DCC: variants seen among roughly 807,000 people sequenced by gnomAD.
The protein encoded by DCC is netrin receptor DCC.
A neutral mutation model predicts 172.5 loss-of-function variants in DCC; 58 were observed. The observed-to-expected ratio is 0.34, with a 90% confidence interval of 0.27 to 0.42. The LOEUF (loss-of-function observed/expected upper bound fraction) is 0.42. Ranked by LOEUF, DCC falls within the 10% of genes least tolerant of loss-of-function variation. The pLI is 1.00. For synonymous variants in DCC, 709 were observed against 644.5 expected (o/e 1.10, Z -1.52); for missense variants, 1,740 against 1,791.0 (o/e 0.97, Z 0.51).
At position 52,443,285 on chromosome 18, in the gene DCC, A is replaced by T. The variant is rs563908329; in HGVS notation, c.91+102407A>T. Among the ~76,000 whole-genome samples, 3 of 152,300 alleles carry T rather than the reference A, an allele frequency of 2.0e-5. No individual in the cohort carries two copies. In the South Asian group the frequency reaches 6.2e-4, roughly 32 times the overall value. ...AACAATTAGTAACAAGTCCTCATTA[A>T]TTTTTTAAATAAATATTGAGGAGCC... On this transcript the variant is annotated intron_variant, in intron 1 of 28. Transcript: ENST00000442544.
intron 2 of DCC, among the ~76,000 whole-genome samples, chr18:52,765,840 G>C (rs1364935591): frequency 6.6e-6 from 1 of 152,120 alleles, no homozygotes; most frequent in Admixed American, 6.5e-5. Flanking sequence ...TGCAAACTTG[G>C]GACAACCATG....
chr18:52,975,604 T>G (rs2041104804), intron 5 of DCC, among the ~76,000 whole-genome samples: 1 of 152,270 alleles, frequency 6.6e-6, no homozygotes, highest in South Asian at 2.1e-4. Context: ...GGTGACAACA[T>G]GTGGTATTTG....
rs546731813 is a variant in DCC at position 53,210,074 on chromosome 18, A to G, written c.1861+2257A>G. Among the ~76,000 whole-genome samples, 38 of 152,336 alleles carry G rather than the reference A, an allele frequency of 2.5e-4. 1 individual carries two copies. In the South Asian group the frequency reaches 5.8e-3, roughly 23 times the overall value. On this transcript the variant is annotated intron_variant, in intron 11 of 28. Coordinates refer to ENST00000442544, the MANE Select transcript of DCC (RefSeq NM_005215.4). ...ATAGCAAGGACTTTATAAGCTTCTT[A>G]GAGTGGACACCGTGACCTCGTTTGC...
intron 1 of DCC, among the ~76,000 whole-genome samples, chr18:52,452,596 C>A (rs955652791): frequency 1.3e-5 from 2 of 152,154 alleles, no homozygotes; most frequent in African/African-American, 4.8e-5. Context: ...AATGGGTGAA[C>A]GTGAGCTGCC....
rs145397515 is a variant in DCC, at chr18:52,667,253, C to T, written c.92-84801C>T. ...TTTGGTGGAATTAGGAGTTGGTTTG[C>T]CCCAACCCCCAAATGGTAGTAGATG... On this transcript the variant is annotated intron_variant, in intron 1 of 28. Coordinates refer to ENST00000442544, the MANE Select transcript of DCC (RefSeq NM_005215.4). 3.7e-3 allele frequency among the ~76,000 whole-genome samples: 557 copies of T among 152,258 alleles called. 1 individual carries two copies. The highest frequency in any genetic ancestry group is 6.8e-3 in the Middle Eastern group (2 of 294).
intron 1 of DCC, among the ~76,000 whole-genome samples, chr18:52,566,295 C>A (rs1489151673): frequency 1.3e-5 from 2 of 151,986 alleles, no homozygotes; most frequent in Non-Finnish European, 2.9e-5. Flanking sequence ...TGTTCTCATT[C>A]GTAAGTGGGA....
chr18:52,831,199 G>C (rs902358560), intron 2 of DCC, among the ~76,000 whole-genome samples: 1 of 152,254 alleles, frequency 6.6e-6, no homozygotes, highest in African/African-American at 2.4e-5. Context: ...CATTTTCAAA[G>C]CATAGCAAGA....
intron 13 of DCC, among the ~76,000 whole-genome samples, chr18:53,321,563 G>T (rs1368509018): frequency 6.6e-6 from 1 of 152,116 alleles, no homozygotes; most frequent in Non-Finnish European, 1.5e-5. Context: ...ATTCTTGAAA[G>T]ATGGTTTTAA....
chr18:53,042,937 G>T (rs2042189495), intron 5 of DCC, among the ~76,000 whole-genome samples: 1 of 151,816 alleles, frequency 6.6e-6, no homozygotes, highest in Non-Finnish European at 1.5e-5. Context: ...AATACCATTT[G>T]ACCCAGCAAC....
At chr18:52,830,226 G>A (rs941810695) in intron 2 of DCC, among the ~76,000 whole-genome samples, 7 of 152,164 alleles carry the variant, frequency 4.6e-5, no homozygotes, top group Non-Finnish European at 7.3e-5. Context: ...GCCCATGACC[G>A]GTTTGAATGT....
chr18:52,529,218 G>A (rs759867606), intron 1 of DCC, among the ~76,000 whole-genome samples: 3 of 152,210 alleles, frequency 2.0e-5, no homozygotes, highest in Non-Finnish European at 4.4e-5. Context: ...GAACTGGTCT[G>A]TCATATTAAA....
intron 2 of DCC, among the ~76,000 whole-genome samples, chr18:52,781,284 A>G (rs2037537005): frequency 6.6e-6 from 1 of 152,138 alleles, no homozygotes; most frequent in African/African-American, 2.4e-5. Context: ...ATGGCCAGTT[A>G]TCACACAGAA....
At chr18:52,408,227 G>A (rs1194572673) in intron 1 of DCC, among the ~76,000 whole-genome samples, 1 of 152,060 alleles carries the variant, frequency 6.6e-6, no homozygotes, top group African/African-American at 2.4e-5. Flanking sequence ...AGGTCTAGCT[G>A]TCAAAATCCA....
intron 7 of DCC, among the ~76,000 whole-genome samples, chr18:53,081,943 C>T (rs1416599076): frequency 6.6e-6 from 1 of 152,054 alleles, no homozygotes; most frequent in Non-Finnish European, 1.5e-5. Context: ...TTAAAAGCTA[C>T]ACTTTTGCAC....
chr18:52,497,809 A>C (rs1016987905), intron 1 of DCC, among the ~76,000 whole-genome samples: 2 of 152,092 alleles, frequency 1.3e-5, no homozygotes, highest in African/African-American at 4.8e-5. Context: ...CACAATCAAA[A>C]ACTCCAACCC....
At chr18:53,514,215 G>A (rs1453928948) in intron 27 of DCC, among the ~76,000 whole-genome samples, 19 of 152,126 alleles carry the variant, frequency 1.2e-4, no homozygotes, top group African/African-American at 3.1e-4. Context: ...GGTACATAAC[G>A]AAATGAAGGC....
intron 1 of DCC, among the ~76,000 whole-genome samples, chr18:52,523,998 GT>G (rs1398823961): frequency 6.6e-6 from 1 of 152,156 alleles, no homozygotes. Context: ...TTATAGTTCC[GT>G]AAGATTGTCT....
chr18:52,418,291 A>G (rs954346229), intron 1 of DCC, among the ~76,000 whole-genome samples: 2 of 152,170 alleles, frequency 1.3e-5, no homozygotes, highest in Non-Finnish European at 2.9e-5. Context: ...GCTCTTCTCC[A>G]TTTTTACCTA....
At chr18:53,429,013 T>TTATATATAA (rs1426342764) in intron 21 of DCC, among the ~76,000 whole-genome samples, 1 of 66,974 alleles carries the variant, frequency 1.5e-5, no homozygotes, top group African/African-American at 6.2e-5. Flanking sequence ...AATATATATT[T>TTATATATAA]TATATATTTT....
Sources: gnomAD v4.1 joint callset for allele counts (sites outside exome capture counted in the v4.1 genomes callset) on GRCh38, gnomAD v4.1.1 for gene constraint, MANE v1.5 for transcripts, NCBI Gene and HGNC (gene_info 2026-07-23, HGNC 2026-07-21) for gene names.